C4BPA: variants seen among roughly 807,000 people sequenced by gnomAD.
C4BPA encodes complement component 4 binding protein alpha, also known as C4b-binding protein alpha chain.
In C4BPA, 31 loss-of-function variants were observed where a neutral mutation model predicts 63.7. The ratio of observed to expected loss-of-function variants is 0.49; its 90% CI spans 0.37 to 0.66. The LOEUF is 0.66. Ranked by LOEUF, C4BPA falls within the 30% of genes least tolerant of loss-of-function variation. The pLI, the probability that C4BPA is intolerant of heterozygous loss-of-function variation, is 0.00. For missense variants in C4BPA, 572 were observed against 723.3 expected, an observed-to-expected ratio of 0.79 and a Z score of 2.40; for synonymous variants, 259 against 254.7, an observed-to-expected ratio of 1.02 and a Z score of -0.16.
chr1:207,115,680 A>T (rs1382801628), intron 4 of C4BPA, among the ~76,000 whole-genome samples, 165 bp downstream of exon 4: 1 of 152,184 alleles, frequency 6.6e-6, no homozygotes, highest in Non-Finnish European at 1.5e-5. Context: ...TCAAGCAAAG[A>T]TCTATTTTTA....
chr1:207,136,552 C>T (rs904226473), intron 9 of C4BPA, among the ~76,000 whole-genome samples: 8 of 152,178 alleles, frequency 5.3e-5, no homozygotes, highest in African/African-American at 1.7e-4. Context: ...TATCCTTAGG[C>T]CACTTTCTTT....
At chr1:207,111,414 T>C (rs1202028764) in intron 1 of C4BPA, among the ~76,000 whole-genome samples, 3 of 152,128 alleles carry the variant, frequency 2.0e-5, no homozygotes, top group Non-Finnish European at 4.4e-5. Flanking sequence ...TGGGGATGTA[T>C]AGAGCTCATG....
intron 4 of C4BPA, among the ~76,000 whole-genome samples, chr1:207,118,364 T>C (rs897876143): frequency 2.6e-5 from 4 of 152,200 alleles, no homozygotes; most frequent in African/African-American, 9.7e-5. Flanking sequence ...CTGGGTAATT[T>C]ATAAAGAAAA....
intron 1 of C4BPA, among the ~76,000 whole-genome samples, chr1:207,111,896 T>C (rs1035213046): frequency 6.6e-6 from 1 of 152,224 alleles, no homozygotes; most frequent in Admixed American, 6.5e-5. Flanking sequence ...TAACTTCATA[T>C]ATTCCTTTGA....
rs1684698547 is a variant in C4BPA at position 207,112,881 on chromosome 1, G to C, written c.-25-120G>C. ...AACATTTGTGCTCAGGGGTTTTTTTGTTTTGTTTCCACTCCAGGCTGTCAT... is the reference window on the plus strand; with the variant it reads ...AACATTTGTGCTCAGGGGTTTTTTTCTTTTGTTTCCACTCCAGGCTGTCAT... On this transcript the variant is annotated intron_variant, in intron 1 of 11. Transcript: ENST00000367070. 1.2e-5 allele frequency: 11 copies of C among 930,588 alleles called. No homozygotes were observed. In the South Asian group the frequency reaches 1.4e-4, roughly 12 times the overall value. The allele number at this position is 930,588 out of a possible 1,614,324, so 57.6% of individuals were successfully genotyped here. A position where few individuals can be genotyped will look rare whatever the true frequency, so the allele number is the denominator to read the frequency against.
intron 7 of C4BPA, among the ~76,000 whole-genome samples, chr1:207,128,343 C>T (rs1299586763): frequency 6.6e-6 from 1 of 152,186 alleles, no homozygotes; most frequent in Non-Finnish European, 1.5e-5. Flanking sequence ...AAGAAGAACT[C>T]TAGTGCAGTG....
intron 10 of C4BPA, among the ~76,000 whole-genome samples, chr1:207,143,523 A>T (rs1572803192): frequency 6.6e-6 from 1 of 152,080 alleles, no homozygotes; most frequent in East Asian, 1.9e-4. Flanking sequence ...TGAAAATGTT[A>T]TTACTTTGAG....
intron 1 of C4BPA, among the ~76,000 whole-genome samples, chr1:207,111,589 A>C (rs1337598998): frequency 6.6e-6 from 1 of 152,162 alleles, no homozygotes; most frequent in Admixed American, 6.5e-5. Context: ...CCCTTCTCCC[A>C]CACAGTTTCT....
In C4BPA at chr1:207,144,027, T is replaced by A. The variant is rs1339725908; in HGVS notation, c.1620+34T>A. ...CACAATTCAAGGAAGTTCTGTGCTG[T>A]CGACCCCTAAAAATGGTGGCATCCC... is the stretch of plus-strand genomic sequence containing the variant. On this transcript the variant is annotated intron_variant, in intron 11 of 11. Coordinates refer to ENST00000367070, the MANE Select transcript of C4BPA (RefSeq NM_000715.4). 11 of 1,506,238 alleles carry A rather than the reference T, an allele frequency of 7.3e-6. No homozygotes were observed. The Middle Eastern group carries it at 9.1e-4, about 124-fold the overall frequency. 93.3% of individuals were successfully genotyped at this position (1,506,238 alleles called of 1,614,324 possible). A position where few individuals can be genotyped will look rare whatever the true frequency, so the allele number is the denominator to read the frequency against.
At chr1:207,108,620 A>G (rs1684604631) in intron 1 of C4BPA, among the ~76,000 whole-genome samples, 1 of 152,242 alleles carries the variant, frequency 6.6e-6, no homozygotes. Flanking sequence ...GGAGGAAGGA[A>G]TAAGACAGAA....
intron 1 of C4BPA, among the ~76,000 whole-genome samples, chr1:207,106,501 G>A (rs1406978187): frequency 6.8e-6 from 1 of 146,188 alleles, no homozygotes; most frequent in Non-Finnish European, 1.5e-5. Context: ...GTGCGGTGGT[G>A]CAATCTCTGC....
intron 1 of C4BPA, among the ~76,000 whole-genome samples, chr1:207,110,605 C>T (rs1684648833): frequency 6.6e-6 from 1 of 151,838 alleles, no homozygotes; most frequent in Admixed American, 6.6e-5. Flanking sequence ...GCCTGGGCAA[C>T]ATAGTAAGAT....
chr1:207,107,578 GA>G (rs2102326492), intron 1 of C4BPA, among the ~76,000 whole-genome samples: 1 of 152,246 alleles, frequency 6.6e-6, no homozygotes, highest in African/African-American at 2.4e-5. Context: ...TGTTTTTGGG[GA>G]AGGGTAAGTG....
intron 4 of C4BPA, 62 bp from the exon 5 acceptor site, chr1:207,123,860 C>T: frequency 2.3e-6 from 2 of 864,052 alleles, no homozygotes; most frequent in South Asian, 1.5e-5. Context: ...TTTGCTCAGA[C>T]CTCTTTAATT....
intron 1 of C4BPA, among the ~76,000 whole-genome samples, chr1:207,112,660 T>A (rs1684693724): frequency 6.6e-6 from 1 of 152,180 alleles, no homozygotes; most frequent in Non-Finnish European, 1.5e-5. Context: ...CCCTTCCCCA[T>A]CTCAGACATT....
At position 207,114,212 on chromosome 1, in the gene C4BPA, C is replaced by A. The variant is rs771022113; in HGVS notation, c.255C>A (p.Tyr85Ter). Reference protein sequence around the residue: ...TTLKYTCLPGYVRSHSTQTLT... With the variant: ...TTLKYTCLPG ...TGAAATACACCTGCCTCCCTGGCTA[C>A]GTCAGATCCCATTCAACTCAGACGC... Residue 85 changes from tyrosine (Y) to a stop codon, truncating the protein, a stop_gained, in exon 3 of 12, where the codon TAC becomes TAA. Coordinates refer to ENST00000367070, the MANE Select transcript of C4BPA (RefSeq NM_000715.4). LOFTEE classifies it high-confidence loss of function. 6.2e-7 allele frequency: 1 copy of A among 1,613,578 alleles called. No homozygotes were observed. Among genetic ancestry groups the A allele is most frequent in the Admixed American group, 1.7e-5 (1 of 59,974 alleles).
Position 207,144,685 on chromosome 1 carries a change from G to A in C4BPA, c.1762G>A (p.Ala588Thr), listed in dbSNP as rs369244342. ...IEQLELQRDS[A>T]RQSTLDKEL is the part of the protein sequence containing the mutation. ...ACAACTGGAACTACAGAGAGACAGC[G>A]CAAGACAATCCACTTTGGATAAAGA... The change falls in exon 12 of 12, where the codon GCA becomes ACA. Residue 588 changes from alanine to threonine, a missense_variant. By Grantham distance (58) the Ala-to-Thr change is moderately conservative. Around this residue, in one of 2 missense-constraint regions of C4BPA, gnomAD observed 465 missense variants for 629.4 expected, o/e 0.74. Coordinates refer to ENST00000367070, the MANE Select transcript of C4BPA (RefSeq NM_000715.4). The A allele has an allele frequency of 7.4e-5, 119 of 1,610,044 alleles. No individual in the cohort carries two copies. The Middle Eastern group carries it at 8.4e-4, about 11-fold the overall frequency.
At position 207,104,407 on chromosome 1, in the gene C4BPA, T is replaced by A. The variant is rs1684520400; in HGVS notation, c.-49T>A. On this transcript the variant is annotated 5_prime_UTR_variant, in exon 1 of 12. Coordinates refer to ENST00000367070, the MANE Select transcript of C4BPA (RefSeq NM_000715.4). ...TATCCCAGATATCATCATAGAGTCT[T>A]CTGCTCTTCCTCAACTACCAAAGGT... 1 of 152,256 alleles carries A rather than the reference T, an allele frequency of 6.6e-6. No homozygotes were observed. The allele number at this position is 152,256 out of a possible 1,614,324, so 9.4% of individuals were successfully genotyped here.
intron 4 of C4BPA, among the ~76,000 whole-genome samples, chr1:207,123,251 A>G (rs916299117): frequency 2.0e-5 from 3 of 152,208 alleles, no homozygotes; most frequent in Non-Finnish European, 4.4e-5. Flanking sequence ...TCTTGAAGTT[A>G]TTATTCAATA....
Sources: allele counts gnomAD v4.1 joint callset (sites outside exome capture counted in the v4.1 genomes callset), GRCh38; gene constraint gnomAD v4.1.1; regional missense constraint gnomAD v4.1.1; transcripts MANE v1.5; gene names NCBI Gene and HGNC (gene_info 2026-07-23, HGNC 2026-07-21).